The following QTMAN variants were observed in gnomAD, a reference collection of about 807,000 sequenced individuals.
QTMAN encodes tRNA-queuosine alpha-mannosyltransferase.
chr2:144,082,606 AATG>A, the QTMAN span, among the ~76,000 whole-genome samples: 1,245 of 152,228 alleles, frequency 8.2e-3, 8 homozygotes, highest in Non-Finnish European at 0.014. Flanking sequence ...TTAAAAAAAA[AATG>A]ATGATTATAG....
chr2:144,298,237 C>A, the QTMAN span, among the ~76,000 whole-genome samples: 2 of 151,984 alleles, frequency 1.3e-5, no homozygotes, highest in African/African-American at 2.4e-5. Flanking sequence ...CCAGGATGGT[C>A]TCGATCTCCT....
the QTMAN span, among the ~76,000 whole-genome samples, chr2:144,214,119 C>T: frequency 1.3e-5 from 2 of 151,712 alleles, no homozygotes; most frequent in African/African-American, 4.8e-5. Context: ...AACATGTGAC[C>T]AGTGATTCCC....
chr2:144,265,061 T>G, the QTMAN span, among the ~76,000 whole-genome samples: 4 of 152,242 alleles, frequency 2.6e-5, no homozygotes, highest in African/African-American at 9.6e-5. Flanking sequence ...ACTTGACAGT[T>G]GTATTTCTCA....
chr2:144,188,680 C>T, the QTMAN span, among the ~76,000 whole-genome samples: 2 of 151,930 alleles, frequency 1.3e-5, no homozygotes, highest in African/African-American at 4.8e-5. Context: ...TCTGTCGCAC[C>T]TAGAGACCAA....
chr2:144,308,174 T>G, the QTMAN span, among the ~76,000 whole-genome samples: 3 of 147,720 alleles, frequency 2.0e-5, no homozygotes, highest in East Asian at 1.9e-4. Flanking sequence ...TTTTTTTTTT[T>G]TTTTTTTTTT....
the QTMAN span, among the ~76,000 whole-genome samples, chr2:144,020,362 A>G: frequency 1.3e-5 from 2 of 152,220 alleles, no homozygotes; most frequent in Admixed American, 1.3e-4. Flanking sequence ...TGAAAGAAGC[A>G]CATCAGGGGA....
At chr2:144,104,616 G>C in the QTMAN span, among the ~76,000 whole-genome samples, 2 of 152,198 alleles carry the variant, frequency 1.3e-5, no homozygotes, top group Non-Finnish European at 2.9e-5. Context: ...CAGGAAGCTC[G>C]AACTGGGTGG....
the QTMAN span, chr2:143,947,076 T>TA: frequency 3.7e-6 from 6 of 1,613,842 alleles, no homozygotes; most frequent in Non-Finnish European, 5.1e-6. Context: ...TAGGTTCTGT[T>TA]GTAAGCAGAG....
At chr2:144,249,576 A>C in the QTMAN span, among the ~76,000 whole-genome samples, 1 of 152,252 alleles carries the variant, frequency 6.6e-6, no homozygotes. Flanking sequence ...GGACTGAATT[A>C]AAGTCTATGA....
At chr2:144,142,056 C>A in the QTMAN span, 2 of 1,607,190 alleles carry the variant, frequency 1.2e-6, no homozygotes, top group Non-Finnish European at 1.7e-6. Context: ...AGCCACCAGG[C>A]TGTAAAGGTA....
chr2:144,226,476 C>G, the QTMAN span, among the ~76,000 whole-genome samples: 4 of 152,254 alleles, frequency 2.6e-5, 1 homozygote, highest in South Asian at 8.3e-4. Context: ...ATACCCAATT[C>G]TGAGTTCAAA....
the QTMAN span, among the ~76,000 whole-genome samples, chr2:144,252,288 T>C: frequency 6.6e-6 from 1 of 151,918 alleles, no homozygotes; most frequent in Non-Finnish European, 1.5e-5. Context: ...GGCAAAAGAA[T>C]CACTGGAGCC....
At chr2:144,027,044 TTTC>T in the QTMAN span, among the ~76,000 whole-genome samples, 2 of 152,194 alleles carry the variant, frequency 1.3e-5, no homozygotes, top group African/African-American at 4.8e-5. Context: ...GCAGCTGCAG[TTTC>T]TTACTTGGGC....
the QTMAN span, among the ~76,000 whole-genome samples, chr2:144,287,981 A>C: frequency 6.6e-6 from 1 of 152,082 alleles, no homozygotes; most frequent in Non-Finnish European, 1.5e-5. Flanking sequence ...CAGCCTCCCA[A>C]GTAGCTGGGA....
At chr2:144,062,752 C>A in the QTMAN span, among the ~76,000 whole-genome samples, 1 of 152,056 alleles carries the variant, frequency 6.6e-6, no homozygotes, top group South Asian at 2.1e-4. Context: ...TATTATTTTT[C>A]GTTTTGAGAT....
the QTMAN span, among the ~76,000 whole-genome samples, chr2:144,025,917 G>A: frequency 1.3e-5 from 2 of 152,136 alleles, no homozygotes; most frequent in African/African-American, 4.8e-5. Flanking sequence ...GACTTTATAG[G>A]GTATAATGAG....
At chr2:143,980,631 C>A in the QTMAN span, among the ~76,000 whole-genome samples, 1 of 152,162 alleles carries the variant, frequency 6.6e-6, no homozygotes, top group African/African-American at 2.4e-5. Flanking sequence ...TCATTTATAA[C>A]ACTTAAAAAC....
chr2:143,966,442 A>G, the QTMAN span, among the ~76,000 whole-genome samples: 4 of 152,248 alleles, frequency 2.6e-5, no homozygotes, highest in Non-Finnish European at 5.9e-5. Context: ...GAACATGTCT[A>G]CTTCATTCAC....
chr2:144,184,091 T>C, the QTMAN span, among the ~76,000 whole-genome samples: 2 of 152,198 alleles, frequency 1.3e-5, no homozygotes, highest in African/African-American at 4.8e-5. Context: ...ATGTGTGAGC[T>C]TCAAAGCTGG....
Sources: allele counts gnomAD v4.1 joint callset (sites outside exome capture counted in the v4.1 genomes callset), GRCh38; gene constraint gnomAD v4.1.1; transcripts MANE v1.5; gene names NCBI Gene and HGNC (gene_info 2026-07-23, HGNC 2026-07-21).